Variants in RBPJ observed in about 807,000 individuals in gnomAD.
RBPJ encodes the protein recombining binding protein suppressor of hairless.
A neutral mutation model predicts 67.8 loss-of-function variants in RBPJ; 9 were observed. The ratio of observed to expected loss-of-function variants is 0.13; its 90% confidence interval spans 0.08 to 0.23. RBPJ has a LOEUF of 0.23. RBPJ is among the 10% of genes least tolerant of loss of function. The pLI, the probability that RBPJ is intolerant of heterozygous loss-of-function variation, is 1.00. For missense variants in RBPJ, 305 were observed against 595.6 expected, an observed-to-expected ratio of 0.51 and a Z score of 5.08; for synonymous variants, 198 against 203.3, an observed-to-expected ratio of 0.97 and a Z score of 0.22.
At chr4:26,386,298 TAG>T (rs1192072106) in intron 1 of RBPJ, 53 bp from the exon 2 acceptor site, 5 of 1,230,544 alleles carry the variant, frequency 4.1e-6, no homozygotes, top group Non-Finnish European at 5.8e-6. Context: ...AAGCTTTCTG[TAG>T]AGTGTATCAT....
At chr4:26,176,188 C>T (rs185816881) in intron 1 of RBPJ, among the ~76,000 whole-genome samples, 1 of 152,302 alleles carries the variant, frequency 6.6e-6, no homozygotes, top group African/African-American at 2.4e-5. Context: ...AACTGGGTGT[C>T]TGTACTTTTC....
rs1187072575 is a variant in RBPJ, at chr4:26,295,245, AGTGTGTGTGTGTGTGTGTGTGTGTGGGT to A, written c.-166-67189_-166-67162del. Among the ~76,000 whole-genome samples, 4 of 147,026 alleles carry A rather than the reference AGTGTGTGTGTGTGTGTGTGTGTGTGGGT, an allele frequency of 2.7e-5. No individual in the cohort carries two copies. In the East Asian group the frequency reaches 6.0e-4, roughly 22 times the overall value. ...GTTGTCCAGGAAGAAAGGGTGCATCAGTGTGTGTGTGTGTGTGTGTGTGTGGGTGTGTGTGTGTGCATGGGTGTGTGTG... is the reference window on the plus strand; with the variant it reads ...GTTGTCCAGGAAGAAAGGGTGCATCAGTGTGTGTGTGCATGGGTGTGTGTG... On this transcript the variant is annotated intron_variant, in intron 1 of 4. Transcript: ENST00000512351.
At position 26,188,831 on chromosome 4, in the gene RBPJ, A is replaced by G. The variant is rs189129018; in HGVS notation, c.-167+25217A>G. 4.7e-3 allele frequency among the ~76,000 whole-genome samples: 717 copies of G among 152,374 alleles called. 4 individuals carry two copies. Among genetic ancestry groups the G allele is most frequent in the African/African-American group, 0.016 (684 of 41,590 alleles). ...AAATTATGCATGCATCATATAAGAT[A>G]GATTACTAAAGAGCAATCAAGTTTA... On this transcript the variant is annotated intron_variant, in intron 1 of 4. Coordinates refer to the RBPJ transcript ENST00000512351.
At chr4:26,230,451 C>A (rs2109203855) in intron 1 of RBPJ, among the ~76,000 whole-genome samples, 1 of 152,340 alleles carries the variant, frequency 6.6e-6, no homozygotes, top group Non-Finnish European at 1.5e-5. Context: ...TTCATCTTCA[C>A]CAAAACCCTT....
At chr4:26,114,488 TATATATA>T in the RBPJ span, among the ~76,000 whole-genome samples, 1 of 144,948 alleles carries the variant, frequency 6.9e-6, no homozygotes, top group Non-Finnish European at 1.5e-5. Context: ...CATATATATA[TATATATA>T]TATGTATGTG....
intron 1 of RBPJ, among the ~76,000 whole-genome samples, chr4:26,255,023 A>G (rs1720252079): frequency 1.4e-5 from 2 of 144,554 alleles, no homozygotes; most frequent in African/African-American, 5.4e-5. Flanking sequence ...AATGTTAAAC[A>G]TGCTATATAG....
At chr4:26,208,549 G>A (rs1328886340) in intron 1 of RBPJ, among the ~76,000 whole-genome samples, 1 of 152,122 alleles carries the variant, frequency 6.6e-6, no homozygotes, top group Non-Finnish European at 1.5e-5. Context: ...TAAGTAAGAG[G>A]GAGACAAACT....
chr4:26,306,685 C>A (rs771809805), intron 1 of RBPJ, among the ~76,000 whole-genome samples: 20 of 151,598 alleles, frequency 1.3e-4, no homozygotes, highest in Non-Finnish European at 2.9e-4. Flanking sequence ...TCCTAACCTC[C>A]TGATCCACCC....
chr4:26,291,663 G>C (rs943158711), intron 1 of RBPJ, among the ~76,000 whole-genome samples: 4 of 149,638 alleles, frequency 2.7e-5, no homozygotes, highest in Middle Eastern at 3.4e-3. Flanking sequence ...TGCAACCTCC[G>C]CCTCCTGGGT....
intron 1 of RBPJ, among the ~76,000 whole-genome samples, chr4:26,249,485 C>A (rs1720026831): frequency 6.6e-6 from 1 of 151,984 alleles, no homozygotes; most frequent in Non-Finnish European, 1.5e-5. Context: ...CATGGTGAAA[C>A]CCTGTCTCTA....
Position 26,215,933 on chromosome 4 carries a change from C to T in RBPJ, c.-167+52319C>T, listed in dbSNP as rs985356298. On this transcript the variant is annotated intron_variant, in intron 1 of 4. Coordinates refer to the RBPJ transcript ENST00000512351. ...GGCTGATGTAACAAATTATCACCAGCTGAGTGGCTTAAAACAACAGAAATT... is the reference window on the plus strand; with the variant it reads ...GGCTGATGTAACAAATTATCACCAGTTGAGTGGCTTAAAACAACAGAAATT... 2.6e-5 allele frequency among the ~76,000 whole-genome samples: 4 copies of T among 152,166 alleles called. No homozygotes were observed. In the South Asian group the frequency reaches 6.2e-4, roughly 24 times the overall value.
At chr4:26,405,271 A>C (rs888095713) in intron 2 of RBPJ, among the ~76,000 whole-genome samples, 11 of 152,210 alleles carry the variant, frequency 7.2e-5, no homozygotes, top group African/African-American at 2.7e-4. Context: ...ATAACGTATT[A>C]CTATTGTATA....
At chr4:26,414,214 A>G (rs1016930871) in intron 3 of RBPJ, among the ~76,000 whole-genome samples, 1 of 152,026 alleles carries the variant, frequency 6.6e-6, no homozygotes, top group African/African-American at 2.4e-5. Context: ...CTCTAACCCA[A>G]GCTGGAATGC....
chr4:26,106,548 T>C, the RBPJ span, among the ~76,000 whole-genome samples: 1 of 152,300 alleles, frequency 6.6e-6, no homozygotes. Context: ...GCCTTCCTGA[T>C]TGTGGCTCGG....
chr4:26,283,185 T>G (rs1721337777), intron 1 of RBPJ, among the ~76,000 whole-genome samples: 1 of 147,160 alleles, frequency 6.8e-6, no homozygotes, highest in Non-Finnish European at 1.5e-5. Flanking sequence ...CGCCTCGGCC[T>G]CCCAAAGTGC....
At chr4:26,258,846 C>T (rs181267570) in intron 1 of RBPJ, among the ~76,000 whole-genome samples, 11 of 151,796 alleles carry the variant, frequency 7.2e-5, no homozygotes, top group South Asian at 2.1e-4. Flanking sequence ...GCTCTGTTGC[C>T]GGGCTGGAGT....
intron 1 of RBPJ, among the ~76,000 whole-genome samples, chr4:26,361,044 A>AGTGT (rs1232813456): frequency 1.0e-5 from 1 of 95,276 alleles, no homozygotes; most frequent in Non-Finnish European, 2.4e-5. Flanking sequence ...TCCTTTCAGG[A>AGTGT]GTGAGTGTGT....
the RBPJ span, among the ~76,000 whole-genome samples, chr4:26,111,637 A>C: frequency 6.6e-6 from 1 of 152,210 alleles, no homozygotes; most frequent in Non-Finnish European, 1.5e-5. Flanking sequence ...CATGGGAAAC[A>C]ATCCCTGGCC....
intron 1 of RBPJ, among the ~76,000 whole-genome samples, chr4:26,221,673 T>A (rs1209241226): frequency 6.6e-6 from 1 of 151,934 alleles, no homozygotes; most frequent in East Asian, 1.9e-4. Context: ...TTACAAAGAG[T>A]AGAATACTAA....
Sources: allele counts gnomAD v4.1 joint callset (sites outside exome capture counted in the v4.1 genomes callset), GRCh38; gene constraint gnomAD v4.1.1; transcripts MANE v1.5; gene names NCBI Gene and HGNC (gene_info 2026-07-23, HGNC 2026-07-21).